The following SKIL variants were observed in gnomAD, a reference collection of about 807,000 sequenced individuals.
SKIL encodes ski-like protein.
A neutral mutation model predicts 69.6 loss-of-function variants in SKIL; 20 were observed. That is an observed-to-expected ratio of 0.29 (90% CI 0.20 to 0.42). The LOEUF (loss-of-function observed/expected upper bound fraction) is 0.42. Ranked by LOEUF, SKIL falls within the 10% of genes least tolerant of loss-of-function variation. The probability of loss-of-function intolerance (pLI) is 1.00; values close to 1 mark genes in which losing one functional copy is unlikely to be tolerated. For missense variants in SKIL, 745 were observed against 783.1 expected (o/e 0.95, Z 0.58); for synonymous variants, 310 against 279.9 (o/e 1.11, Z -1.08).
chr3:170,387,141 C>CT (rs1737674223), intron 4 of SKIL, among the ~76,000 whole-genome samples: 1 of 152,062 alleles, frequency 6.6e-6, no homozygotes, highest in Non-Finnish European at 1.5e-5. Flanking sequence ...CCTCAGCCTC[C>CT]TGAGTAGCTG....
chr3:170,377,421 C>T (rs1366276893), intron 2 of SKIL, among the ~76,000 whole-genome samples: 1 of 143,394 alleles, frequency 7.0e-6, no homozygotes, highest in African/African-American at 2.6e-5. Context: ...TTTAATTCCA[C>T]ATTTACATAT....
rs555345276 is a variant in SKIL at position 170,360,560 on chromosome 3, C to A, written c.229C>A (p.Pro77Thr). ...TGTTAAGCGAACCTGTACTTCTGTT[C>A]CTGAAACTTTGCATTTAAATCCCAG... Reference protein sequence around the residue: ...EHVKRTCTSVPETLHLNPSLK... With the variant: ...EHVKRTCTSVTETLHLNPSLK... The change falls in exon 2 of 7, where the codon CCT (proline) becomes ACT (threonine). Residue 77 changes from proline to threonine, a missense_variant. Pro to Thr is a conservative substitution (Grantham distance 38). Coordinates refer to ENST00000259119, the MANE Select transcript of SKIL (RefSeq NM_005414.5). The A allele has an allele frequency of 2.5e-6, 4 of 1,614,204 alleles. No homozygotes were observed. The highest frequency in any genetic ancestry group is 3.4e-6 in the Non-Finnish European group (4 of 1,180,046).
At chr3:170,389,547 G>A (rs555959175) in intron 4 of SKIL, among the ~76,000 whole-genome samples, 2 of 150,906 alleles carry the variant, frequency 1.3e-5, no homozygotes, top group African/African-American at 2.4e-5. Flanking sequence ...ATCTCCTGAC[G>A]TCGTGATCCG....
chr3:170,367,234 G>C (rs1284409437), intron 2 of SKIL, among the ~76,000 whole-genome samples: 1 of 149,224 alleles, frequency 6.7e-6, no homozygotes, highest in Non-Finnish European at 1.5e-5. Flanking sequence ...TCAGCCCCCT[G>C]AGTAGCTGGG....
At chr3:170,368,994 A>G (rs189949569) in intron 2 of SKIL, among the ~76,000 whole-genome samples, 44 of 152,018 alleles carry the variant, frequency 2.9e-4, no homozygotes, top group Admixed American at 2.7e-3. Flanking sequence ...TTTTTTACAA[A>G]ACGACTTTTA....
intron 3 of SKIL, among the ~76,000 whole-genome samples, chr3:170,383,150 C>T (rs1737447578): frequency 6.6e-6 from 1 of 152,128 alleles, no homozygotes; most frequent in Admixed American, 6.6e-5. Context: ...TGTTGTTGAG[C>T]CCTAGATTTT....
chr3:170,357,836 CCGACGGCGG>C (rs1736008535), intron 1 of SKIL, 73 bp downstream of exon 1: 1 of 153,428 alleles, frequency 6.5e-6, no homozygotes, highest in African/African-American at 2.4e-5. Flanking sequence ...TCCTAGGAGC[CCGACGGCGG>C]CGACAGGGGC....
intron 2 of SKIL, among the ~76,000 whole-genome samples, chr3:170,376,272 C>G (rs1034449136): frequency 2.0e-5 from 3 of 151,638 alleles, no homozygotes; most frequent in Non-Finnish European, 2.9e-5. Flanking sequence ...GTTTCGAACT[C>G]CGGACCTCAA....
In SKIL at chr3:170,391,190, A is replaced by G. The variant is rs1737896340; in HGVS notation, c.1826A>G (p.Gln609Arg). 2 of 1,613,288 alleles carry G rather than the reference A, an allele frequency of 1.2e-6. No homozygotes were observed. Among genetic ancestry groups the G allele is most frequent in the Non-Finnish European group, 1.7e-6 (2 of 1,179,286 alleles). ...EQKDLEKKLEQIMKQKCTCDS... is the reference protein window; with the variant it reads ...EQKDLEKKLERIMKQKCTCDS... ...AAAGACTTAGAGAAAAAATTGGAGC[A>G]GATAATGAAGCAAAAATGTACCTGT... Residue 609 changes from glutamine (Q) to arginine (R), a missense_variant, in exon 6 of 7, where the codon CAG becomes CGG. By Grantham distance (43) the Gln-to-Arg change is conservative (BLOSUM62 1). Coordinates refer to ENST00000259119, the MANE Select transcript of SKIL (RefSeq NM_005414.5).
intron 4 of SKIL, among the ~76,000 whole-genome samples, chr3:170,387,228 G>C (rs1193862742): frequency 6.6e-6 from 1 of 152,006 alleles, no homozygotes; most frequent in Non-Finnish European, 1.5e-5. Context: ...CGCCATGTTA[G>C]TCAGGCTGAT....
intron 3 of SKIL, among the ~76,000 whole-genome samples, chr3:170,383,265 G>A (rs917813980): frequency 6.6e-6 from 1 of 152,094 alleles, no homozygotes; most frequent in Non-Finnish European, 1.5e-5. Flanking sequence ...TTTGCAGTAA[G>A]TCTTTTGAGC....
chr3:170,381,605 T>G (rs9872796), intron 3 of SKIL, among the ~76,000 whole-genome samples: 133,213 of 151,524 alleles, frequency 0.88, 58,552 homozygotes, highest in East Asian at 0.94. Flanking sequence ...CCTAATTTTT[T>G]TAGTTTTAGT....
At chr3:170,389,441 G>A (rs1737801957) in intron 4 of SKIL, among the ~76,000 whole-genome samples, 1 of 151,526 alleles carries the variant, frequency 6.6e-6, no homozygotes, top group Admixed American at 6.6e-5. Context: ...AGCCTCCCGA[G>A]TAGCTGGGAC....
chr3:170,358,147 G>A (rs868165581), intron 1 of SKIL, among the ~76,000 whole-genome samples: 5 of 152,170 alleles, frequency 3.3e-5, no homozygotes, highest in African/African-American at 1.2e-4. Flanking sequence ...GTCAGCCCCC[G>A]GCGGCGCAGG....
At chr3:170,376,086 T>A (rs1412270691) in intron 2 of SKIL, among the ~76,000 whole-genome samples, 3 of 147,192 alleles carry the variant, frequency 2.0e-5, no homozygotes, top group Non-Finnish European at 3.0e-5. Flanking sequence ...TTCACTGTCT[T>A]GCCCAGGCTG....
Position 170,361,226 on chromosome 3 carries a change from G to A in SKIL, c.895G>A (p.Ala299Thr), listed in dbSNP as rs753809405. 6.2e-7 allele frequency: 1 copy of A among 1,613,998 alleles called. No homozygotes were observed. The highest frequency in any genetic ancestry group is 1.3e-5 in the African/African-American group (1 of 74,928). ...IQCLECCGMF[A>T]PQTFVMHSHR... The stretch of plus-strand genomic sequence containing the variant: ...ATGTCTGGAGTGTTGTGGAATGTTT[G>A]CACCCCAGACGTTTGTGATGCATTC... The change falls in exon 2 of 7, where the codon GCA becomes ACA. Residue 299 changes from alanine (A) to threonine (T), a missense_variant. Physicochemically the swap from Ala to Thr is moderately conservative, Grantham distance 58 (BLOSUM62 0). Transcript: ENST00000259119.
chr3:170,362,433 C>T (rs905369030), intron 2 of SKIL, among the ~76,000 whole-genome samples: 11 of 152,084 alleles, frequency 7.2e-5, no homozygotes, highest in African/African-American at 2.2e-4. Context: ...ACCCCGGAGG[C>T]GGAGGTTGTA....
At chr3:170,378,207 T>G (rs927952416) in intron 2 of SKIL, among the ~76,000 whole-genome samples, 5 of 152,226 alleles carry the variant, frequency 3.3e-5, no homozygotes, top group African/African-American at 1.2e-4. Context: ...TGTCCTTTAG[T>G]TGGCCCTAAG....
In SKIL at chr3:170,394,306, A is replaced by G. The variant is rs1180110676; in HGVS notation, c.*1889A>G. Reference sequence around the variant, plus strand: ...CACTCCCGGCTAATTTTTAGAAACAAATATTTAAAATGACATATTCTCCCA... The same window carrying G: ...CACTCCCGGCTAATTTTTAGAAACAGATATTTAAAATGACATATTCTCCCA... On this transcript the variant is annotated 3_prime_UTR_variant, in exon 7 of 7. Coordinates refer to ENST00000259119, the MANE Select transcript of SKIL (RefSeq NM_005414.5). 1 of 151,728 alleles carries G rather than the reference A, an allele frequency of 6.6e-6. No homozygotes were observed. The highest frequency in any genetic ancestry group is 1.5e-5 in the Non-Finnish European group (1 of 67,966). The allele number at this position is 151,728 out of a possible 1,614,324, so 9.4% of individuals were successfully genotyped here. A position where few individuals can be genotyped will look rare whatever the true frequency, so the allele number is the denominator to read the frequency against.
Sources: allele counts gnomAD v4.1 joint callset (sites outside exome capture counted in the v4.1 genomes callset), GRCh38; gene constraint gnomAD v4.1.1; transcripts MANE v1.5; gene names NCBI Gene and HGNC (gene_info 2026-07-23, HGNC 2026-07-21).